The following SRGAP3 variants were observed in gnomAD, a reference collection of about 807,000 sequenced individuals.
The protein encoded by SRGAP3 is SLIT-ROBO Rho GTPase-activating protein 3.
SRGAP3 carries 39 observed loss-of-function variants against 121.1 expected under a neutral mutation model. The observed-to-expected ratio is 0.32, with a 90% confidence interval of 0.25 to 0.42. SRGAP3 has a LOEUF of 0.42. Among genes scored for constraint, SRGAP3 ranks in the 10% least tolerant of loss-of-function variants. The probability of loss-of-function intolerance (pLI) is 1.00; values close to 1 mark genes in which losing one functional copy is unlikely to be tolerated. For missense variants in SRGAP3, 1,213 were observed against 1,470.6 expected (o/e 0.82, Z 2.86); for synonymous variants, 601 against 570.0 (o/e 1.05, Z -0.77).
At chr3:9,099,204 A>G (rs1948109516) in intron 3 of SRGAP3, among the ~76,000 whole-genome samples, 1 of 152,360 alleles carries the variant, frequency 6.6e-6, no homozygotes, top group East Asian at 1.9e-4. Flanking sequence ...AACTCACTCA[A>G]GACCAAGTCC....
intron 3 of SRGAP3, among the ~76,000 whole-genome samples, chr3:9,274,825 A>T (rs1954541220): frequency 6.6e-6 from 1 of 152,192 alleles, no homozygotes. Flanking sequence ...TACATCATCA[A>T]GCTGTCCCTC....
chr3:9,325,401 T>G (rs1003684009), intron 3 of SRGAP3, among the ~76,000 whole-genome samples: 1 of 151,562 alleles, frequency 6.6e-6, no homozygotes, highest in Non-Finnish European at 1.5e-5. Flanking sequence ...ATAATCTACA[T>G]TTGATGTATT....
intron 3 of SRGAP3, among the ~76,000 whole-genome samples, chr3:9,268,326 C>CTCTT (rs1193158423): frequency 6.7e-6 from 1 of 148,930 alleles, no homozygotes; most frequent in Non-Finnish European, 1.5e-5. Context: ...CTCTCTCTTT[C>CTCTT]TCTCTCTCTC....
At chr3:9,161,381 C>T (rs1950593681) in intron 1 of SRGAP3, among the ~76,000 whole-genome samples, 1 of 152,226 alleles carries the variant, frequency 6.6e-6, no homozygotes, top group Non-Finnish European at 1.5e-5. Flanking sequence ...AGGGGCAGCT[C>T]CTGGTTCCTG....
intron 3 of SRGAP3, among the ~76,000 whole-genome samples, chr3:9,262,761 C>CAA (rs1954281043): frequency 6.6e-6 from 1 of 152,070 alleles, no homozygotes; most frequent in African/African-American, 2.4e-5. Context: ...GACTCCCACA[C>CAA]AATAATAGTG....
chr3:9,160,460 G>C (rs1037778618), intron 1 of SRGAP3, among the ~76,000 whole-genome samples: 3 of 152,158 alleles, frequency 2.0e-5, no homozygotes, highest in African/African-American at 7.2e-5. Flanking sequence ...AGAGGTCCAC[G>C]TGGCGAGGAA....
chr3:9,347,792 A>G (rs1955933870), intron 1 of SRGAP3, among the ~76,000 whole-genome samples: 1 of 152,206 alleles, frequency 6.6e-6, no homozygotes, highest in African/African-American at 2.4e-5. Context: ...AAGGATGTGG[A>G]AATCTGATTT....
chr3:9,270,274 T>G (rs1158596660), intron 3 of SRGAP3, among the ~76,000 whole-genome samples: 1 of 152,222 alleles, frequency 6.6e-6, no homozygotes, highest in African/African-American at 2.4e-5. Flanking sequence ...ACATTAGTAG[T>G]ATTATGGAAA....
chr3:9,043,455 G>T (rs1945114541), intron 10 of SRGAP3, among the ~76,000 whole-genome samples: 1 of 152,156 alleles, frequency 6.6e-6, no homozygotes, highest in Admixed American at 6.6e-5. Flanking sequence ...TGGATAGATG[G>T]GTGAACAGAA....
chr3:9,047,805 C>T (rs761162510), intron 9 of SRGAP3, among the ~76,000 whole-genome samples: 2 of 152,184 alleles, frequency 1.3e-5, no homozygotes, highest in Non-Finnish European at 2.9e-5. Context: ...CAAAGGGCCT[C>T]TTTAGTCATC....
chr3:9,071,693 T>C (rs939156721), intron 4 of SRGAP3, among the ~76,000 whole-genome samples: 4 of 138,546 alleles, frequency 2.9e-5, no homozygotes, highest in Non-Finnish European at 4.8e-5. Flanking sequence ...GATGGATGGA[T>C]TGGAAAGAGT....
At chr3:9,182,068 C>A (rs541822597) in intron 1 of SRGAP3, among the ~76,000 whole-genome samples, 3 of 148,182 alleles carry the variant, frequency 2.0e-5, no homozygotes, top group Non-Finnish European at 4.5e-5. Context: ...CCCATCTACT[C>A]GGGAGGCTGA....
At chr3:9,189,612 A>G (rs1951694155) in intron 1 of SRGAP3, among the ~76,000 whole-genome samples, 1 of 152,230 alleles carries the variant, frequency 6.6e-6, no homozygotes. Context: ...AACAGATTTC[A>G]GCTCAAGTGC....
chr3:9,008,796 T>C (rs11715608), intron 18 of SRGAP3, among the ~76,000 whole-genome samples: 21,433 of 152,100 alleles, frequency 0.14, 1,631 homozygotes, highest in South Asian at 0.21. Context: ...TAGCTCCCTC[T>C]CAGGCCATGG....
At chr3:9,202,770 T>C (rs1952111984) in intron 1 of SRGAP3, among the ~76,000 whole-genome samples, 1 of 152,254 alleles carries the variant, frequency 6.6e-6, no homozygotes, top group South Asian at 2.1e-4. Flanking sequence ...TTGTCCCTGC[T>C]GGAGTCCATG....
intron 3 of SRGAP3, among the ~76,000 whole-genome samples, chr3:9,315,349 C>A (rs140881646): frequency 4.7e-4 from 72 of 152,336 alleles, no homozygotes; most frequent in African/African-American, 1.7e-3. Context: ...GGACCACAAC[C>A]CCCTCCTTAA....
At chr3:9,199,203 CT>C (rs1951998177) in intron 1 of SRGAP3, among the ~76,000 whole-genome samples, 1 of 152,040 alleles carries the variant, frequency 6.6e-6, no homozygotes, top group Admixed American at 6.5e-5. Flanking sequence ...TTGCAATGGG[CT>C]TAATCATCTG....
intron 1 of SRGAP3, among the ~76,000 whole-genome samples, chr3:9,359,594 C>T (rs1489690701): frequency 6.6e-6 from 1 of 152,232 alleles, no homozygotes; most frequent in African/African-American, 2.4e-5. Flanking sequence ...GCATTCCTTC[C>T]TCCAGGATAT....
At chr3:9,126,166 C>T (rs1949218830) in intron 1 of SRGAP3, among the ~76,000 whole-genome samples, 1 of 152,202 alleles carries the variant, frequency 6.6e-6, no homozygotes, top group South Asian at 2.1e-4. Context: ...TGCCTGACAA[C>T]GTGCCTCAGT....
Sources: gnomAD v4.1 joint callset for allele counts (sites outside exome capture counted in the v4.1 genomes callset) on GRCh38, gnomAD v4.1.1 for gene constraint, MANE v1.5 for transcripts, NCBI Gene and HGNC (gene_info 2026-07-23, HGNC 2026-07-21) for gene names.